TMEM236: variants seen among roughly 807,000 people sequenced by gnomAD.
TMEM236 encodes the protein transmembrane protein 236, also known as family with sequence similarity 23, member A.
TMEM236 carries 11 observed loss-of-function variants against 14.7 expected under a neutral mutation model. The ratio of observed to expected loss-of-function variants is 0.75; its 90% CI spans 0.47 to 1.24. The LOEUF (loss-of-function observed/expected upper bound fraction) is 1.24, where lower values mean the gene tolerates loss of function less well. Ranked by LOEUF, TMEM236 falls within the 50% of genes most tolerant of loss-of-function variation. TMEM236 has a pLI of 0.00. For synonymous variants in TMEM236, 182 were observed against 168.6 expected (o/e 1.08, Z -0.62); for missense variants, 464 against 427.3 (o/e 1.09, Z -0.76).
intron 3 of TMEM236, among the ~76,000 whole-genome samples, chr10:17,777,841 C>T (rs1209069621): frequency 6.6e-6 from 1 of 151,802 alleles, no homozygotes; most frequent in Non-Finnish European, 1.5e-5. Context: ...TGGGTTTAAG[C>T]AATTCTCCTG....
chr10:17,760,144 G>T (rs1554833860), intron 1 of TMEM236, among the ~76,000 whole-genome samples: 1 of 152,096 alleles, frequency 6.6e-6, no homozygotes, highest in African/African-American at 2.4e-5. Flanking sequence ...TCACCTTTCA[G>T]CACCTCTGAG....
intron 1 of TMEM236, among the ~76,000 whole-genome samples, chr10:17,755,541 T>A (rs1295578395): frequency 6.6e-6 from 1 of 152,184 alleles, no homozygotes; most frequent in South Asian, 2.1e-4. Flanking sequence ...AGCATTATGT[T>A]GTTGGCACTG....
intron 1 of TMEM236, among the ~76,000 whole-genome samples, chr10:17,755,665 G>C (rs1837274648): frequency 6.6e-6 from 1 of 152,128 alleles, no homozygotes; most frequent in South Asian, 2.1e-4. Context: ...TGTAGGGGTG[G>C]CTTTGACTGT....
Position 17,796,083 on chromosome 10 carries a change from T to C in TMEM236, c.635T>C (p.Phe212Ser), listed in dbSNP as rs921825962. The change falls in exon 4 of 4, where the codon TTC (phenylalanine) becomes TCC (serine). Residue 212 changes from phenylalanine to serine, a missense_variant. Coordinates refer to ENST00000377495, the MANE Select transcript of TMEM236 (RefSeq NM_001098844.3). The stretch of plus-strand genomic sequence containing the variant: ...ATGACACGGAGCCAGGAGTCTGTGT[T>C]CATGGGACCCCAGGAGCCCTCCTGT... ...GAMTRSQESV[F>S]MGPQEPSCDS... The C allele has an allele frequency of 6.8e-6, 11 of 1,613,844 alleles. No individual in the cohort carries two copies. Among genetic ancestry groups the C allele is most frequent in the Non-Finnish European group, 9.3e-6 (11 of 1,179,850 alleles).
chr10:17,769,906 G>A (rs1485954848), intron 1 of TMEM236, among the ~76,000 whole-genome samples: 3 of 152,174 alleles, frequency 2.0e-5, no homozygotes, highest in Admixed American at 6.5e-5. Flanking sequence ...GCATGATGCT[G>A]TGGTCTGGGG....
At chr10:17,769,713 T>C (rs1366817754) in intron 1 of TMEM236, among the ~76,000 whole-genome samples, 1 of 152,144 alleles carries the variant, frequency 6.6e-6, no homozygotes, top group Admixed American at 6.5e-5. Context: ...GGTCTGGCCA[T>C]GAGAGAGGGG....
Position 17,798,424 on chromosome 10 carries a change from A to T in TMEM236, c.*1920A>T, listed in dbSNP as rs1838049253. 1.8e-5 allele frequency: 7 copies of T among 398,940 alleles called. No individual in the cohort carries two copies. Among genetic ancestry groups the T allele is most frequent in the South Asian group, 1.4e-4 (7 of 51,762 alleles). 24.7% of individuals were successfully genotyped at this position (398,940 alleles called of 1,614,324 possible). On this transcript the variant is annotated 3_prime_UTR_variant, in exon 4 of 4. Coordinates refer to ENST00000377495, the MANE Select transcript of TMEM236 (RefSeq NM_001098844.3). ...CATGGTGATCTGCAACTATAGTCCCAGCTACTTAGGAGGCTGGGGCAGGAA... is the reference window on the plus strand; with the variant it reads ...CATGGTGATCTGCAACTATAGTCCCTGCTACTTAGGAGGCTGGGGCAGGAA...
chr10:17,777,401 T>G (rs1554835211), intron 3 of TMEM236, among the ~76,000 whole-genome samples: 2 of 152,166 alleles, frequency 1.3e-5, no homozygotes, highest in African/African-American at 4.8e-5. Context: ...GAGTTGGGAA[T>G]CTCCAAATCC....
In TMEM236 at chr10:17,774,928, G is replaced by A. The variant is rs1391382702; in HGVS notation, c.331-1101G>A. Among the ~76,000 whole-genome samples, 4 of 152,114 alleles carry A rather than the reference G, an allele frequency of 2.6e-5. No individual in the cohort carries two copies. In the East Asian group the frequency reaches 5.8e-4, roughly 22 times the overall value. On this transcript the variant is annotated intron_variant, in intron 2 of 3. Transcript: ENST00000377495. ...TTCTCCTGCCTCAGTGTCCTGAGTA[G>A]CTGGGACCACTGGCATGTGCCACCA... is the stretch of plus-strand genomic sequence containing the variant.
At position 17,798,877 on chromosome 10, in the gene TMEM236, C is replaced by G; in HGVS notation, c.*2373C>G. ...AAGCATTGGAACGGGTACCAAGTCT[C>G]CAAGAAACAAGTATCTCAATGCAGT... On this transcript the variant is annotated 3_prime_UTR_variant, in exon 4 of 4. Coordinates refer to ENST00000377495, the MANE Select transcript of TMEM236 (RefSeq NM_001098844.3). 2.9e-6 allele frequency: 1 copy of G among 344,810 alleles called. No individual in the cohort carries two copies. The highest frequency in any genetic ancestry group is 7.8e-5 in the East Asian group (1 of 12,870). The allele number at this position is 344,810 out of a possible 1,614,324, so 21.4% of individuals were successfully genotyped here.
At chr10:17,764,361 C>G (rs1837426098) in intron 1 of TMEM236, among the ~76,000 whole-genome samples, 1 of 152,122 alleles carries the variant, frequency 6.6e-6, no homozygotes, top group African/African-American at 2.4e-5. Context: ...TCGGCAGTAC[C>G]CTAACTCAGT....
intron 3 of TMEM236, among the ~76,000 whole-genome samples, chr10:17,789,145 AAGCTGCCTTC>A (rs1213536605): frequency 6.6e-6 from 1 of 152,198 alleles, no homozygotes; most frequent in East Asian, 1.9e-4. Context: ...TAGCTGGTGT[AAGCTGCCTTC>A]ACCTGTGTAG....
intron 3 of TMEM236, among the ~76,000 whole-genome samples, chr10:17,794,865 G>A (rs1023330224): frequency 2.0e-5 from 3 of 151,928 alleles, no homozygotes; most frequent in Non-Finnish European, 4.4e-5. Flanking sequence ...TGGAAACCCC[G>A]TCTCTACTAA....
At chr10:17,775,963 A>G (rs1589147290) in intron 2 of TMEM236, 66 bp from the exon 3 acceptor site, 2 of 1,562,002 alleles carry the variant, frequency 1.3e-6, no homozygotes, top group Non-Finnish European at 1.8e-6. Flanking sequence ...CATTCAGACT[A>G]TTGAAAGCAT....
intron 3 of TMEM236, among the ~76,000 whole-genome samples, chr10:17,783,275 C>T (rs998786281): frequency 4.6e-5 from 7 of 152,024 alleles, no homozygotes; most frequent in Non-Finnish European, 1.0e-4. Flanking sequence ...CTGGGAATGT[C>T]GAGGGGCCCG....
intron 1 of TMEM236, among the ~76,000 whole-genome samples, chr10:17,753,172 G>C (rs928592939): frequency 3.9e-5 from 6 of 152,120 alleles, no homozygotes; most frequent in Non-Finnish European, 8.8e-5. Flanking sequence ...AGGATTACAG[G>C]AGTGAGCCAA....
chr10:17,770,654 A>G (rs1554834727), intron 1 of TMEM236, among the ~76,000 whole-genome samples: 3 of 152,182 alleles, frequency 2.0e-5, no homozygotes, highest in African/African-American at 7.2e-5. Context: ...AAATGCTGGG[A>G]TTACAGGCGT....
chr10:17,793,307 A>G (rs1837957053), intron 3 of TMEM236, among the ~76,000 whole-genome samples: 1 of 152,308 alleles, frequency 6.6e-6, no homozygotes, highest in East Asian at 1.9e-4. Context: ...CTTTGAAACA[A>G]TGCTGAATTT....
intron 1 of TMEM236, among the ~76,000 whole-genome samples, chr10:17,754,224 C>A (rs1160673679): frequency 6.6e-6 from 1 of 152,174 alleles, no homozygotes; most frequent in African/African-American, 2.4e-5. Context: ...AAAGTAATGT[C>A]TATTTTTAAT....
Sources: gnomAD v4.1 joint callset for allele counts (sites outside exome capture counted in the v4.1 genomes callset) on GRCh38, gnomAD v4.1.1 for gene constraint, MANE v1.5 for transcripts, NCBI Gene and HGNC (gene_info 2026-07-23, HGNC 2026-07-21) for gene names.